KCND2: variants seen among roughly 807,000 people sequenced by gnomAD.
KCND2 encodes potassium voltage-gated channel subfamily D member 2, also known as A-type voltage-gated potassium channel KCND2.
KCND2 carries 16 observed loss-of-function variants against 54.4 expected under a neutral mutation model. The ratio of observed to expected loss-of-function variants is 0.29; its 90% CI spans 0.20 to 0.45. KCND2 has a LOEUF of 0.45. Among genes scored for constraint, KCND2 ranks in the 20% least tolerant of loss-of-function variants. KCND2 has a pLI of 1.00. For synonymous variants in KCND2, 317 were observed against 310.7 expected (o/e 1.02, Z -0.21); for missense variants, 486 against 824.2 (o/e 0.59, Z 5.02).
At chr7:120,466,833 G>A (rs186753751) in intron 1 of KCND2, among the ~76,000 whole-genome samples, 4 of 152,230 alleles carry the variant, frequency 2.6e-5, no homozygotes, top group Non-Finnish European at 5.9e-5. Context: ...TCCTTCTGGA[G>A]GTTCCAGGAG....
Position 120,454,679 on chromosome 7 carries a change from G to T in KCND2, c.1115+178932G>T, listed in dbSNP as rs139854910. Among the ~76,000 whole-genome samples, 10 of 152,202 alleles carry T rather than the reference G, an allele frequency of 6.6e-5. No homozygotes were observed. The East Asian group carries it at 1.7e-3, about 26-fold the overall frequency. On this transcript the variant is annotated intron_variant, in intron 1 of 5. Transcript: ENST00000331113. ...AACTGTTCCAAAAATTGAGAAAAGG[G>T]ACTCCTCCCTAACTCATTCTAGGAA...
chr7:120,366,071 A>G (rs1800674100), intron 1 of KCND2, among the ~76,000 whole-genome samples: 1 of 152,152 alleles, frequency 6.6e-6, no homozygotes, highest in East Asian at 1.9e-4. Flanking sequence ...AGTAAACAGC[A>G]TTGTGGTGAA....
chr7:120,362,712 A>G (rs1445173109), intron 1 of KCND2, among the ~76,000 whole-genome samples: 1 of 152,102 alleles, frequency 6.6e-6, no homozygotes, highest in African/African-American at 2.4e-5. Context: ...AGGTTGCTGT[A>G]GATTCTGCCT....
intron 1 of KCND2, among the ~76,000 whole-genome samples, chr7:120,724,854 A>G (rs1447814832): frequency 6.6e-6 from 1 of 152,130 alleles, no homozygotes; most frequent in Non-Finnish European, 1.5e-5. Flanking sequence ...TAAAAATCAT[A>G]ATTTTATAAA....
At chr7:120,637,588 T>C (rs975787793) in intron 1 of KCND2, among the ~76,000 whole-genome samples, 2 of 152,136 alleles carry the variant, frequency 1.3e-5, no homozygotes, top group African/African-American at 4.8e-5. Flanking sequence ...ATTTCTGATA[T>C]AAGCATTAAC....
intron 1 of KCND2, among the ~76,000 whole-genome samples, chr7:120,727,539 A>G (rs1792749140): frequency 6.6e-6 from 1 of 152,196 alleles, no homozygotes; most frequent in African/African-American, 2.4e-5. Flanking sequence ...ACAAATCTTT[A>G]ATAGCCAAAA....
intron 1 of KCND2, among the ~76,000 whole-genome samples, chr7:120,684,774 G>T (rs780921567): frequency 1.3e-5 from 2 of 152,100 alleles, no homozygotes; most frequent in Non-Finnish European, 2.9e-5. Flanking sequence ...TTCACCTTCC[G>T]TCAGGTCAGC....
intron 1 of KCND2, among the ~76,000 whole-genome samples, chr7:120,401,875 C>T (rs1298216710): frequency 1.3e-5 from 2 of 152,124 alleles, no homozygotes; most frequent in Non-Finnish European, 2.9e-5. Flanking sequence ...TCCTAAAGCA[C>T]ATTGAAATTG....
chr7:120,691,803 G>C (rs1185983999), intron 1 of KCND2, among the ~76,000 whole-genome samples: 1 of 152,130 alleles, frequency 6.6e-6, no homozygotes, highest in Non-Finnish European at 1.5e-5. Flanking sequence ...CTGATACTGG[G>C]AGCCGAATCA....
At chr7:120,312,177 G>A (rs1028643717) in intron 1 of KCND2, among the ~76,000 whole-genome samples, 2 of 152,062 alleles carry the variant, frequency 1.3e-5, no homozygotes, top group African/African-American at 2.4e-5. Flanking sequence ...AAAATGCTGG[G>A]ATTACAGGCA....
intron 1 of KCND2, among the ~76,000 whole-genome samples, chr7:120,476,602 T>C (rs947760784): frequency 5.3e-5 from 8 of 152,120 alleles, no homozygotes; most frequent in African/African-American, 1.9e-4. Flanking sequence ...TATTAAATTG[T>C]TGTTTTCCCA....
intron 1 of KCND2, among the ~76,000 whole-genome samples, chr7:120,284,586 TG>T (rs1286075632): frequency 6.6e-6 from 1 of 152,206 alleles, no homozygotes; most frequent in African/African-American, 2.4e-5. Context: ...TTTGATTTTT[TG>T]CTTTAGTCTA....
intron 1 of KCND2, among the ~76,000 whole-genome samples, chr7:120,476,546 G>A (rs904972212): frequency 6.6e-6 from 1 of 152,122 alleles, no homozygotes; most frequent in South Asian, 2.1e-4. Flanking sequence ...CATATTATGA[G>A]CCCTCTAAGT....
At chr7:120,580,671 GT>G (rs1792503981) in intron 1 of KCND2, among the ~76,000 whole-genome samples, 1 of 151,996 alleles carries the variant, frequency 6.6e-6, no homozygotes, top group Admixed American at 6.6e-5. Context: ...GAAAGATATG[GT>G]TTTATTTTAT....
At chr7:120,704,294 T>C (rs1792438997) in intron 1 of KCND2, among the ~76,000 whole-genome samples, 1 of 152,324 alleles carries the variant, frequency 6.6e-6, no homozygotes, top group East Asian at 1.9e-4. Context: ...TTCATAATAT[T>C]CTGGTTTATT....
intron 1 of KCND2, among the ~76,000 whole-genome samples, chr7:120,461,255 G>C (rs1237846830): frequency 6.6e-6 from 1 of 152,146 alleles, no homozygotes; most frequent in African/African-American, 2.4e-5. Context: ...TTGGTGGCTT[G>C]TCAGCTGCCA....
At chr7:120,524,784 T>C (rs1791752815) in intron 1 of KCND2, among the ~76,000 whole-genome samples, 1 of 152,190 alleles carries the variant, frequency 6.6e-6, no homozygotes, top group South Asian at 2.1e-4. Flanking sequence ...CAAGAGATAC[T>C]TTCTTGCCAA....
intron 1 of KCND2, among the ~76,000 whole-genome samples, chr7:120,342,652 T>C (rs1278930488): frequency 2.0e-5 from 3 of 152,180 alleles, no homozygotes; most frequent in African/African-American, 7.2e-5. Flanking sequence ...TAATTTCTTG[T>C]ATTACTTTTT....
chr7:120,509,813 A>G (rs1034093724), intron 1 of KCND2, among the ~76,000 whole-genome samples: 1 of 152,066 alleles, frequency 6.6e-6, no homozygotes, highest in African/African-American at 2.4e-5. Flanking sequence ...TGTGAAAATA[A>G]TTTCCACAAT....
Sources: allele counts gnomAD v4.1 joint callset (sites outside exome capture counted in the v4.1 genomes callset), GRCh38; gene constraint gnomAD v4.1.1; transcripts MANE v1.5; gene names NCBI Gene and HGNC (gene_info 2026-07-23, HGNC 2026-07-21).